CLMP: variants seen among roughly 807,000 people sequenced by gnomAD.
The protein encoded by CLMP is CXADR like cell adhesion molecule.
In CLMP, 27 loss-of-function variants were observed where a neutral mutation model predicts 45.2. The observed-to-expected ratio is 0.60, with a 90% confidence interval of 0.44 to 0.82. The LOEUF (loss-of-function observed/expected upper bound fraction) is 0.82, where lower values mean the gene tolerates loss of function less well. CLMP is among the 40% of genes least tolerant of loss of function. The pLI is 0.00. For synonymous variants in CLMP, 167 were observed against 171.4 expected, an observed-to-expected ratio of 0.97 and a Z score of 0.20; for missense variants, 403 against 448.4, an observed-to-expected ratio of 0.90 and a Z score of 0.91.
intron 1 of CLMP, among the ~76,000 whole-genome samples, chr11:123,127,473 C>T (rs914009341): frequency 1.3e-5 from 2 of 152,098 alleles, no homozygotes; most frequent in Non-Finnish European, 2.9e-5. Context: ...AGACTTATTA[C>T]GTGGAGGGAG....
rs1236286451 is a variant in CLMP at position 123,097,821 on chromosome 11, T to C, written c.160A>G (p.Thr54Ala). The C allele has an allele frequency of 6.2e-7, 1 of 1,601,994 alleles. No individual in the cohort carries two copies. Among genetic ancestry groups the C allele is most frequent in the Non-Finnish European group, 8.5e-7 (1 of 1,174,160 alleles). The change falls in exon 2 of 7, where the codon ACC becomes GCC. Residue 54 changes from threonine to alanine, a missense_variant. Thr to Ala is a moderately conservative substitution (Grantham distance 58). Transcript: ENST00000448775. ...ACTTTTTGGTTCCCTTCATTATCGG[T>C]GAGCAGCCATTCAATATCCAGAGTG... ...KDTLDIEWLL[T>A]DNEGNQKVVI...
At chr11:123,106,439 G>GCA (rs1405179766) in intron 1 of CLMP, among the ~76,000 whole-genome samples, 2 of 138,486 alleles carry the variant, frequency 1.4e-5, no homozygotes, top group Admixed American at 7.3e-5. Context: ...GCGCGCGCGC[G>GCA]CACGTGCCTG....
chr11:123,156,694 G>T (rs962609732), intron 1 of CLMP, among the ~76,000 whole-genome samples: 1 of 152,124 alleles, frequency 6.6e-6, no homozygotes, highest in African/African-American at 2.4e-5. Context: ...TCTTCTTTCA[G>T]CTATACAAAA....
chr11:123,096,138 C>G (rs80271152), intron 2 of CLMP, among the ~76,000 whole-genome samples: 61,462 of 151,646 alleles, frequency 0.41, 14,330 homozygotes, highest in African/African-American at 0.65. Flanking sequence ...CGAGGCAGGC[C>G]GAACACCTGA....
intron 1 of CLMP, among the ~76,000 whole-genome samples, chr11:123,126,613 C>T (rs1394713639): frequency 1.3e-5 from 2 of 151,986 alleles, no homozygotes; most frequent in African/African-American, 4.8e-5. Context: ...GAAAACAGAA[C>T]TAGGCTGGGT....
rs533694429 is a variant in CLMP at position 123,135,066 on chromosome 11, C to A, written c.29-37114G>T. ...CCTGAGGTCAGGAGTTCGAGACTAACCTGGCCAACATGGTGAAACCCCGTC... is the reference window on the plus strand; with the variant it reads ...CCTGAGGTCAGGAGTTCGAGACTAAACTGGCCAACATGGTGAAACCCCGTC... On this transcript the variant is annotated intron_variant, in intron 1 of 6. Coordinates refer to ENST00000448775, the MANE Select transcript of CLMP (RefSeq NM_024769.5). Among the ~76,000 whole-genome samples, 4 of 152,040 alleles carry A rather than the reference C, an allele frequency of 2.6e-5. No homozygotes were observed. In the South Asian group the frequency reaches 8.3e-4, roughly 32 times the overall value.
At chr11:123,149,834 C>G (rs1232842477) in intron 1 of CLMP, among the ~76,000 whole-genome samples, 1 of 148,550 alleles carries the variant, frequency 6.7e-6, no homozygotes, top group Non-Finnish European at 1.5e-5. Context: ...TTTTTTTAGG[C>G]AGAGACTCAC....
At chr11:123,082,345 G>A (rs1489003384) in intron 5 of CLMP, among the ~76,000 whole-genome samples, 1 of 152,196 alleles carries the variant, frequency 6.6e-6, no homozygotes, top group Non-Finnish European at 1.5e-5. Context: ...GTCTCGCCCT[G>A]TTGTCCAGGC....
chr11:123,094,979 G>A (rs1865973246), intron 2 of CLMP, among the ~76,000 whole-genome samples: 1 of 152,096 alleles, frequency 6.6e-6, no homozygotes, highest in African/African-American at 2.4e-5. Flanking sequence ...TAACCTCTAA[G>A]AAGGCAAGGA....
intron 2 of CLMP, among the ~76,000 whole-genome samples, chr11:123,092,268 CCA>C (rs112488631): frequency 0.4 from 58,734 of 147,430 alleles, 13,269 homozygotes; most frequent in African/African-American, 0.64. Context: ...AATCTTGTCT[CCA>C]CACACACACA....
At chr11:123,168,978 C>T (rs1861594853) in intron 1 of CLMP, among the ~76,000 whole-genome samples, 1 of 152,162 alleles carries the variant, frequency 6.6e-6, no homozygotes, top group Non-Finnish European at 1.5e-5. Flanking sequence ...AAACCCTGCT[C>T]TTCAGGGACC....
chr11:123,136,560 A>ATTTTTTTTT (rs34074982), intron 1 of CLMP, among the ~76,000 whole-genome samples: 3 of 85,882 alleles, frequency 3.5e-5, no homozygotes, highest in African/African-American at 5.4e-5. Context: ...CTTTTAAGTA[A>ATTTTTTTTT]TTTTTTTTTT....
chr11:123,089,860 G>A (rs1424595404), intron 2 of CLMP, among the ~76,000 whole-genome samples: 1 of 151,902 alleles, frequency 6.6e-6, no homozygotes, highest in East Asian at 1.9e-4. Flanking sequence ...AGCATTTTGG[G>A]AGACCAAGGC....
At chr11:123,164,226 C>G (rs1053050719) in intron 1 of CLMP, among the ~76,000 whole-genome samples, 1 of 152,276 alleles carries the variant, frequency 6.6e-6, no homozygotes, top group South Asian at 2.1e-4. Flanking sequence ...CCTTAATAGA[C>G]TCCCCTTGGA....
Position 123,117,046 on chromosome 11 carries a change from C to T in CLMP, c.29-19094G>A, listed in dbSNP as rs546809321. ...AGTGGATCACCTGAGGTTAGGAGTT[C>T]GAGACCAGCCTGGCCAACATGGTGA... On this transcript the variant is annotated intron_variant, in intron 1 of 6. Transcript: ENST00000448775. Among the ~76,000 whole-genome samples the T allele has an allele frequency of 3.3e-5, 5 of 152,172 alleles. No homozygotes were observed. In the South Asian group the frequency reaches 1.0e-3, roughly 32 times the overall value.
At chr11:123,165,542 A>C (rs967813608) in intron 1 of CLMP, among the ~76,000 whole-genome samples, 1 of 152,186 alleles carries the variant, frequency 6.6e-6, no homozygotes, top group Non-Finnish European at 1.5e-5. Context: ...ATTTTTCTGC[A>C]TCCTGGCAGG....
intron 1 of CLMP, among the ~76,000 whole-genome samples, chr11:123,124,127 T>C (rs1175039220): frequency 1.3e-5 from 2 of 152,228 alleles, no homozygotes; most frequent in African/African-American, 4.8e-5. Context: ...TATATTTTTT[T>C]GGTTGTTATT....
intron 1 of CLMP, among the ~76,000 whole-genome samples, chr11:123,101,888 A>T (rs11218982): frequency 0.28 from 42,383 of 152,098 alleles, 6,416 homozygotes; most frequent in Middle Eastern, 0.39. Flanking sequence ...AGGTTATAAG[A>T]TATGCAACTT....
chr11:123,140,507 G>T (rs111885299), intron 1 of CLMP, among the ~76,000 whole-genome samples: 5 of 148,544 alleles, frequency 3.4e-5, no homozygotes, highest in Non-Finnish European at 4.4e-5. Flanking sequence ...ATGACAATGT[G>T]GGGGGGTGTC....
Sources: gnomAD v4.1 joint callset for allele counts (sites outside exome capture counted in the v4.1 genomes callset) on GRCh38, gnomAD v4.1.1 for gene constraint, MANE v1.5 for transcripts, NCBI Gene and HGNC (gene_info 2026-07-23, HGNC 2026-07-21) for gene names.